Variants in GPX6 observed in about 807,000 individuals in gnomAD.
GPX6 encodes glutathione peroxidase 6 (olfactory).
A neutral mutation model predicts 20.0 loss-of-function variants in GPX6; 21 were observed. That is an observed-to-expected ratio of 1.05 (90% CI 0.74 to 1.51). The LOEUF is 1.51. Among genes scored for constraint, GPX6 ranks in the 40% most tolerant of loss-of-function variants. The probability of loss-of-function intolerance (pLI) is 0.00; values close to 1 mark genes in which losing one functional copy is unlikely to be tolerated. For synonymous variants in GPX6, 75 were observed against 98.0 expected (o/e 0.77, Z 1.38); for missense variants, 233 against 254.7 (o/e 0.91, Z 0.58).
chr6:28,513,073 C>G (rs376263126), intron 1 of GPX6, among the ~76,000 whole-genome samples: 24 of 152,170 alleles, frequency 1.6e-4, no homozygotes, highest in Non-Finnish European at 2.6e-4. Context: ...CCATTGACAG[C>G]GGAAGGACAT....
chr6:28,511,615 C>T (rs531711458), intron 1 of GPX6, among the ~76,000 whole-genome samples: 29 of 152,386 alleles, frequency 1.9e-4, no homozygotes, highest in African/African-American at 5.5e-4. Context: ...AGCGGAGGAA[C>T]ACACTCAACT....
intron 3 of GPX6, 49 bp downstream of exon 3, chr6:28,506,263 G>T: frequency 9.2e-7 from 1 of 1,089,874 alleles, no homozygotes; most frequent in South Asian, 1.2e-5. Flanking sequence ...GTGGAATGAG[G>T]AATGGAAATC....
At chr6:28,508,955 T>C (rs376637501) in intron 2 of GPX6, among the ~76,000 whole-genome samples, 1 of 152,312 alleles carries the variant, frequency 6.6e-6, no homozygotes, top group East Asian at 1.9e-4. Context: ...TGTGAGCCAT[T>C]TGTACTTTGG....
At chr6:28,513,073 C>T (rs376263126) in intron 1 of GPX6, among the ~76,000 whole-genome samples, 3 of 152,170 alleles carry the variant, frequency 2.0e-5, no homozygotes, top group Admixed American at 6.5e-5. Context: ...CCATTGACAG[C>T]GGAAGGACAT....
At position 28,504,368 on chromosome 6, in the gene GPX6, T is replaced by C. The variant is rs2113596452; in HGVS notation, c.590A>G (p.His197Arg). The change falls in exon 5 of 5, where the codon CAT (histidine) becomes CGT (arginine). Residue 197 changes from histidine (H) to arginine (R), a missense_variant. Transcript: ENST00000361902. Reference protein sequence around the residue: ...LVGPDGVPVMHWFHQAPVSTV... With the variant: ...LVGPDGVPVMRWFHQAPVSTV... ...GCTGACTGGAGCCTGGTGGAACCAA[T>C]GCATGACAGGGACTCCATCGGGCCC... is the stretch of plus-strand genomic sequence containing the variant. 1.2e-6 allele frequency: 2 copies of C among 1,614,160 alleles called. No homozygotes were observed. The highest frequency in any genetic ancestry group is 2.7e-5 in the African/African-American group (2 of 75,038).
At chr6:28,506,896 C>T (rs964495503) in intron 2 of GPX6, among the ~76,000 whole-genome samples, 4 of 152,194 alleles carry the variant, frequency 2.6e-5, no homozygotes, top group African/African-American at 9.7e-5. Flanking sequence ...CCCGGCCCCA[C>T]TCATACAATG....
Position 28,514,631 on chromosome 6 carries a change from G to A in GPX6, c.87+1026C>T, listed in dbSNP as rs144169853. On this transcript the variant is annotated intron_variant, in intron 1 of 4. Coordinates refer to ENST00000361902, the MANE Select transcript of GPX6 (RefSeq NM_182701.1). The stretch of plus-strand genomic sequence containing the variant: ...AGACCTGCATGAGTATCAACCGGAA[G>A]CATTTTAGAAATGCAAATTCCTGGG... 5.8e-3 allele frequency among the ~76,000 whole-genome samples: 880 copies of A among 152,306 alleles called. 2 individuals carry two copies. Among genetic ancestry groups the A allele is most frequent in the Non-Finnish European group, 9.8e-3 (665 of 68,012 alleles).
chr6:28,511,661 G>A (rs1432199795), intron 1 of GPX6, among the ~76,000 whole-genome samples: 3 of 152,280 alleles, frequency 2.0e-5, no homozygotes, highest in African/African-American at 7.2e-5. Context: ...ATCGTGGTGA[G>A]AGGTGACAAC....
Position 28,504,233 on chromosome 6 carries a change from G to GT in GPX6, c.*58dup. On this transcript the variant is annotated 3_prime_UTR_variant, in exon 5 of 5. Coordinates refer to ENST00000361902, the MANE Select transcript of GPX6 (RefSeq NM_182701.1). ...AAAGAAGGAGGAAGATGGATGCTTTGTTAGACATTCCTGCAGGTGGGAGAC... is the reference window on the plus strand; with the variant it reads ...AAAGAAGGAGGAAGATGGATGCTTTGTTTAGACATTCCTGCAGGTGGGAGAC... The GT allele has an allele frequency of 5.2e-6, 8 of 1,526,860 alleles. No homozygotes were observed. The highest frequency in any genetic ancestry group is 7.2e-6 in the Non-Finnish European group (8 of 1,104,094). The allele number at this position is 1,526,860 out of a possible 1,614,324, so 94.6% of individuals were successfully genotyped here.
chr6:28,512,461 C>T (rs1387962849), intron 1 of GPX6, among the ~76,000 whole-genome samples: 1 of 152,168 alleles, frequency 6.6e-6, no homozygotes, highest in African/African-American at 2.4e-5. Context: ...CTGTATCTAG[C>T]TAATCTAGTG....
chr6:28,507,541 T>C (rs976337437), intron 2 of GPX6, among the ~76,000 whole-genome samples: 4 of 152,228 alleles, frequency 2.6e-5, no homozygotes, highest in African/African-American at 7.2e-5. Context: ...ATACTATGCC[T>C]TAAAATGAAT....
chr6:28,513,304 T>G (rs1762946191), intron 1 of GPX6, among the ~76,000 whole-genome samples: 1 of 152,196 alleles, frequency 6.6e-6, no homozygotes, highest in African/African-American at 2.4e-5. Context: ...TATGGGTGGC[T>G]GAACTAAGAG....
At chr6:28,513,393 A>T (rs555277505) in intron 1 of GPX6, among the ~76,000 whole-genome samples, 5 of 152,242 alleles carry the variant, frequency 3.3e-5, no homozygotes, top group African/African-American at 1.2e-4. Flanking sequence ...GGAGCTCCAC[A>T]ATCTGCTAGT....
intron 1 of GPX6, among the ~76,000 whole-genome samples, chr6:28,513,072 G>A (rs1762934600): frequency 6.6e-6 from 1 of 152,334 alleles, no homozygotes; most frequent in Non-Finnish European, 1.5e-5. Flanking sequence ...GCCATTGACA[G>A]CGGAAGGACA....
intron 2 of GPX6, among the ~76,000 whole-genome samples, chr6:28,508,258 T>G (rs1762826461): frequency 6.6e-6 from 1 of 152,196 alleles, no homozygotes; most frequent in Non-Finnish European, 1.5e-5. Context: ...ATTTACCATA[T>G]TTTTCAAATT....
intron 2 of GPX6, among the ~76,000 whole-genome samples, chr6:28,507,740 A>T (rs1043702477): frequency 6.6e-6 from 1 of 152,066 alleles, no homozygotes; most frequent in African/African-American, 2.4e-5. Context: ...AATTTTTTGT[A>T]ATTTTAGTAC....
At chr6:28,514,519 A>T (rs1296390079) in intron 1 of GPX6, among the ~76,000 whole-genome samples, 3 of 152,196 alleles carry the variant, frequency 2.0e-5, no homozygotes, top group African/African-American at 7.2e-5. Context: ...GTAAGTAAGT[A>T]AGCTGTCTTA....
chr6:28,515,647 C>G lies in GPX6; in HGVS notation c.87+10G>C. 6.2e-7 allele frequency: 1 copy of G among 1,611,204 alleles called. No individual in the cohort carries two copies. The highest frequency in any genetic ancestry group is 8.5e-7 in the Non-Finnish European group (1 of 1,177,426). On this transcript the variant is annotated intron_variant, in intron 1 of 4. Transcript: ENST00000361902. ...CTGGAATCAGCTCGGATCCCCTGCC[C>G]CATGCTCACCTTCCTATTTTGAGGC...
At chr6:28,514,882 A>T (rs1289474231) in intron 1 of GPX6, among the ~76,000 whole-genome samples, 2 of 152,232 alleles carry the variant, frequency 1.3e-5, no homozygotes, top group Non-Finnish European at 2.9e-5. Flanking sequence ...TTTTAAAGTT[A>T]AAATTTGCGG....
Sources: allele counts gnomAD v4.1 joint callset (sites outside exome capture counted in the v4.1 genomes callset), GRCh38; gene constraint gnomAD v4.1.1; transcripts MANE v1.5; gene names NCBI Gene and HGNC (gene_info 2026-07-23, HGNC 2026-07-21).